The following CAMK1D variants were observed in gnomAD, a reference collection of about 807,000 sequenced individuals.
CAMK1D encodes calcium/calmodulin-dependent protein kinase type 1D.
Under a neutral mutation model 47.7 loss-of-function variants are expected in CAMK1D, and 9 were observed. That is an observed-to-expected ratio of 0.19 (90% CI 0.11 to 0.33). The LOEUF (loss-of-function observed/expected upper bound fraction) is 0.33. Among genes scored for constraint, CAMK1D ranks in the 10% least tolerant of loss-of-function variants. The probability of loss-of-function intolerance (pLI) is 1.00; values close to 1 mark genes in which losing one functional copy is unlikely to be tolerated. For missense variants in CAMK1D, 291 were observed against 488.7 expected, an observed-to-expected ratio of 0.60 and a Z score of 3.81; for synonymous variants, 184 against 184.9, an observed-to-expected ratio of 0.99 and a Z score of 0.04.
At chr10:12,546,802 G>T (rs553211165) in intron 1 of CAMK1D, among the ~76,000 whole-genome samples, 10 of 149,408 alleles carry the variant, frequency 6.7e-5, no homozygotes, top group Non-Finnish European at 1.0e-4. Context: ...ACACACCGGG[G>T]ACTGTTGTGG....
chr10:12,682,224 A>G (rs1229844398), intron 3 of CAMK1D, among the ~76,000 whole-genome samples: 1 of 46,716 alleles, frequency 2.1e-5, no homozygotes, highest in Non-Finnish European at 4.7e-5. Flanking sequence ...CATCTCAAAA[A>G]CAAAACAAAA....
intron 2 of CAMK1D, among the ~76,000 whole-genome samples, chr10:12,625,335 A>T (rs1839175565): frequency 7.7e-6 from 1 of 130,616 alleles, no homozygotes; most frequent in African/African-American, 3.6e-5. Context: ...AACTCCATGT[A>T]CAAAAAAAAA....
chr10:12,821,555 A>C (rs1833011441), intron 8 of CAMK1D, among the ~76,000 whole-genome samples: 2 of 152,240 alleles, frequency 1.3e-5, no homozygotes, highest in East Asian at 3.9e-4. Context: ...AAGAGACCAC[A>C]CACAAAACAC....
intron 1 of CAMK1D, among the ~76,000 whole-genome samples, chr10:12,521,267 T>C (rs1032425267): frequency 6.6e-6 from 1 of 152,192 alleles, no homozygotes; most frequent in African/African-American, 2.4e-5. Context: ...TGTCATACAT[T>C]TCTCTCCAAG....
At chr10:12,689,593 G>C (rs1395044810) in intron 3 of CAMK1D, among the ~76,000 whole-genome samples, 4 of 152,094 alleles carry the variant, frequency 2.6e-5, no homozygotes, top group Admixed American at 2.6e-4. Flanking sequence ...CCTGACCAAC[G>C]TGGTGAAACC....
At chr10:12,740,124 C>T (rs928697155) in intron 3 of CAMK1D, among the ~76,000 whole-genome samples, 2 of 152,186 alleles carry the variant, frequency 1.3e-5, no homozygotes, top group Non-Finnish European at 2.9e-5. Context: ...TGTCTGTGCT[C>T]AGCTTTTTCC....
intron 1 of CAMK1D, among the ~76,000 whole-genome samples, chr10:12,540,390 T>C (rs1310304212): frequency 6.6e-6 from 1 of 151,936 alleles, no homozygotes; most frequent in Non-Finnish European, 1.5e-5. Context: ...GTCAGAGAAG[T>C]GAAGGAGGAA....
intron 2 of CAMK1D, among the ~76,000 whole-genome samples, chr10:12,586,153 A>T (rs1837811382): frequency 6.6e-6 from 1 of 152,224 alleles, no homozygotes; most frequent in Non-Finnish European, 1.5e-5. Flanking sequence ...TCTCCCACCA[A>T]ACCTGGAGAA....
At chr10:12,463,218 A>G (rs1327734316) in intron 1 of CAMK1D, among the ~76,000 whole-genome samples, 1 of 151,412 alleles carries the variant, frequency 6.6e-6, no homozygotes, top group East Asian at 1.9e-4. Context: ...GCTCACTGCA[A>G]CCTCTGCCTC....
At chr10:12,644,480 A>G (rs1291212253) in intron 2 of CAMK1D, among the ~76,000 whole-genome samples, 5 of 152,166 alleles carry the variant, frequency 3.3e-5, no homozygotes, top group East Asian at 3.8e-4. Context: ...CTTGACCCAT[A>G]CACTAGAGAC....
chr10:12,504,931 G>C (rs1834824494), intron 1 of CAMK1D, among the ~76,000 whole-genome samples: 1 of 152,184 alleles, frequency 6.6e-6, no homozygotes, highest in Non-Finnish European at 1.5e-5. Flanking sequence ...CTTGCAGGCA[G>C]GGTCTGAAGT....
intron 3 of CAMK1D, among the ~76,000 whole-genome samples, chr10:12,703,644 G>A (rs1401361559): frequency 2.6e-5 from 4 of 152,182 alleles, no homozygotes; most frequent in Non-Finnish European, 4.4e-5. Context: ...CAAGGCAGGT[G>A]GGTCACCTGA....
intron 3 of CAMK1D, among the ~76,000 whole-genome samples, chr10:12,758,844 G>GGAGGC (rs1239511645): frequency 6.6e-6 from 1 of 152,098 alleles, no homozygotes; most frequent in Non-Finnish European, 1.5e-5. Context: ...GCAGAGGAGA[G>GGAGGC]GAGGCAGTAG....
In CAMK1D at chr10:12,554,216, G is replaced by A. The variant is rs1836687302; in HGVS notation, c.224+860G>A. ...TCTGTTGCCCAGGCTGGAGTACAAT[G>A]GCGCAATCTCAGCTCACTGCAACTT... On this transcript the variant is annotated intron_variant, in intron 2 of 10. Transcript: ENST00000619168. Among the ~76,000 whole-genome samples, 4 of 130,224 alleles carry A rather than the reference G, an allele frequency of 3.1e-5. 1 individual carries two copies. The South Asian group carries it at 9.1e-4, about 30-fold the overall frequency. The allele number at this position is 130,224 out of a possible 152,430, so 85.4% of individuals were successfully genotyped here. A position where few individuals can be genotyped will look rare whatever the true frequency, so the allele number is the denominator to read the frequency against.
At chr10:12,564,113 C>G (rs1480550728) in intron 2 of CAMK1D, among the ~76,000 whole-genome samples, 1 of 146,706 alleles carries the variant, frequency 6.8e-6, no homozygotes, top group African/African-American at 2.5e-5. Context: ...ATCTGTCTGT[C>G]TAGATGTCTC....
chr10:12,675,596 C>T (rs1336225001), intron 3 of CAMK1D, among the ~76,000 whole-genome samples: 1 of 152,232 alleles, frequency 6.6e-6, no homozygotes, highest in Non-Finnish European at 1.5e-5. Flanking sequence ...CGTCTCTATA[C>T]CTACCACTCT....
At chr10:12,781,708 G>A (rs2130966490) in intron 5 of CAMK1D, among the ~76,000 whole-genome samples, 1 of 149,620 alleles carries the variant, frequency 6.7e-6, no homozygotes, top group East Asian at 2.0e-4. Context: ...CTGGCGTGCA[G>A]TAGCACGAGC....
At chr10:12,737,062 G>A (rs1051325467) in intron 3 of CAMK1D, among the ~76,000 whole-genome samples, 1 of 152,136 alleles carries the variant, frequency 6.6e-6, no homozygotes, top group Non-Finnish European at 1.5e-5. Context: ...GGGCATGAAG[G>A]TGCGTAGCCT....
At chr10:12,740,420 G>A (rs535017602) in intron 3 of CAMK1D, among the ~76,000 whole-genome samples, 11 of 152,174 alleles carry the variant, frequency 7.2e-5, no homozygotes, top group African/African-American at 2.4e-4. Flanking sequence ...GCAACATGGC[G>A]AAACCTCATC....
Sources: allele counts gnomAD v4.1 joint callset (sites outside exome capture counted in the v4.1 genomes callset), GRCh38; gene constraint gnomAD v4.1.1; transcripts MANE v1.5; gene names NCBI Gene and HGNC (gene_info 2026-07-23, HGNC 2026-07-21).